Variants in TMCC3 observed in about 807,000 individuals in gnomAD.
TMCC3 encodes the protein transmembrane and coiled-coil domain family 3, also known as transmembrane and coiled-coil domain protein 3.
A neutral mutation model predicts 40.2 loss-of-function variants in TMCC3; 28 were observed. That is an observed-to-expected ratio of 0.70 (90% CI 0.52 to 0.95). TMCC3 has a LOEUF of 0.95. Among genes scored for constraint, TMCC3 ranks in the 40% least tolerant of loss-of-function variants. The pLI is 0.00. For missense variants in TMCC3, 554 were observed against 615.2 expected, an observed-to-expected ratio of 0.90 and a Z score of 1.05; for synonymous variants, 255 against 248.5, an observed-to-expected ratio of 1.03 and a Z score of -0.25.
At chr12:94,588,606 A>G (rs2068652108) in intron 1 of TMCC3, among the ~76,000 whole-genome samples, 1 of 152,238 alleles carries the variant, frequency 6.6e-6, no homozygotes, top group Non-Finnish European at 1.5e-5. Flanking sequence ...ATTTATGCAT[A>G]GGTCCACAAG....
chr12:94,615,953 G>A, intron 1 of TMCC3: 3 of 985,496 alleles, frequency 3.0e-6, no homozygotes, highest in Non-Finnish European at 3.6e-6. Context: ...CAGGAGCAGA[G>A]CAGGATCGGC....
At position 94,581,747 on chromosome 12, in the gene TMCC3, G is replaced by T. The variant is rs1468662494; in HGVS notation, c.870C>A (p.Ile290=). The T allele has an allele frequency of 6.2e-7, 1 of 1,614,156 alleles. No homozygotes were observed. Among genetic ancestry groups the T allele is most frequent in the East Asian group, 2.2e-5 (1 of 44,876 alleles). ...TLDSQGKLAV[I]LEELREIKDT... is the part of the protein sequence containing the mutation. ...CCTTGATCTCCCTCAGTTCCTCCAGGATCACGGCGAGCTTGCCCTGGCTGT... is the reference window on the plus strand; with the variant it reads ...CCTTGATCTCCCTCAGTTCCTCCAGTATCACGGCGAGCTTGCCCTGGCTGT... The change falls in exon 2 of 4, where the codon ATC becomes ATA. Residue 290 remains isoleucine, a synonymous_variant. Coordinates refer to ENST00000261226, the MANE Select transcript of TMCC3 (RefSeq NM_020698.4).
chr12:94,599,326 A>C (rs900186960), intron 1 of TMCC3, among the ~76,000 whole-genome samples: 1 of 152,206 alleles, frequency 6.6e-6, no homozygotes, highest in Non-Finnish European at 1.5e-5. Flanking sequence ...AGCCAAGAAC[A>C]GTGATGCTGC....
chr12:94,578,575 A>G, intron 2 of TMCC3, 46 bp from the exon 3 acceptor site: 2 of 1,581,022 alleles, frequency 1.3e-6, no homozygotes, highest in Non-Finnish European at 1.7e-6. Context: ...TTCACAGCAC[A>G]TTGTGGAACG....
At chr12:94,588,050 G>A (rs1289705260) in intron 1 of TMCC3, among the ~76,000 whole-genome samples, 1 of 152,114 alleles carries the variant, frequency 6.6e-6, no homozygotes, top group Non-Finnish European at 1.5e-5. Flanking sequence ...CCTGAGTCCC[G>A]GACAGACGTC....
intron 1 of TMCC3, among the ~76,000 whole-genome samples, chr12:94,619,540 C>G (rs912462094): frequency 6.6e-6 from 1 of 152,230 alleles, no homozygotes; most frequent in African/African-American, 2.4e-5. Context: ...CCTGCTGCAT[C>G]AGACTCAGCT....
intron 1 of TMCC3, among the ~76,000 whole-genome samples, chr12:94,641,624 G>A (rs529595461): frequency 1.3e-5 from 2 of 152,234 alleles, no homozygotes; most frequent in East Asian, 3.9e-4. Flanking sequence ...TTTTAGGCTT[G>A]GGTTTAAGGG....
chr12:94,623,199 G>A (rs1434550244), intron 1 of TMCC3, among the ~76,000 whole-genome samples: 1 of 151,324 alleles, frequency 6.6e-6, no homozygotes, highest in Non-Finnish European at 1.5e-5. Context: ...TCAATCCTGT[G>A]TTCTGGACCT....
rs754921631 is a variant in TMCC3, at chr12:94,568,213, A to G, written c.*3222T>C. On this transcript the variant is annotated 3_prime_UTR_variant, in exon 4 of 4. Coordinates refer to ENST00000261226, the MANE Select transcript of TMCC3 (RefSeq NM_020698.4). ...GGACTAATCCCATGTTCATTGTCCA[A>G]ACCCAGCAACGGAGTACTTTTTTGC... 8 of 152,178 alleles carry G rather than the reference A, an allele frequency of 5.3e-5. No homozygotes were observed. The highest frequency in any genetic ancestry group is 1.2e-4 in the Non-Finnish European group (8 of 68,044). The allele number at this position is 152,178 out of a possible 1,614,324, so 9.4% of individuals were successfully genotyped here.
At chr12:94,576,645 T>TA (rs1013976951) in intron 3 of TMCC3, among the ~76,000 whole-genome samples, 8 of 151,866 alleles carry the variant, frequency 5.3e-5, no homozygotes, top group Non-Finnish European at 8.8e-5. Flanking sequence ...CCAGCTAATT[T>TA]AAAAAAAAGT....
chr12:94,576,646 A>T (rs184645405), intron 3 of TMCC3, among the ~76,000 whole-genome samples: 83 of 152,002 alleles, frequency 5.5e-4, no homozygotes, highest in African/African-American at 1.4e-3. Flanking sequence ...CAGCTAATTT[A>T]AAAAAAAGTT....
intron 1 of TMCC3, among the ~76,000 whole-genome samples, chr12:94,636,533 C>G (rs989246896): frequency 6.6e-6 from 1 of 152,230 alleles, no homozygotes; most frequent in African/African-American, 2.4e-5. Flanking sequence ...TGGAATTTCA[C>G]TCCTATGGCT....
chr12:94,570,403 A>G lies in TMCC3; in HGVS notation c.*1032T>C, dbSNP rs1433652203. The G allele has an allele frequency of 1.3e-5, 2 of 152,228 alleles. No individual in the cohort carries two copies. The highest frequency in any genetic ancestry group is 2.9e-5 in the Non-Finnish European group (2 of 68,046). 9.4% of individuals were successfully genotyped at this position (152,228 alleles called of 1,614,324 possible). A position where few individuals can be genotyped will look rare whatever the true frequency, so the allele number is the denominator to read the frequency against. Reference sequence around the variant, plus strand: ...CTTTGCAGTCCCTCACAGACCTGTGAATAAGATGAATCACATAAAGTGAAT... The same window carrying G: ...CTTTGCAGTCCCTCACAGACCTGTGGATAAGATGAATCACATAAAGTGAAT... On this transcript the variant is annotated 3_prime_UTR_variant, in exon 4 of 4. Coordinates refer to ENST00000261226, the MANE Select transcript of TMCC3 (RefSeq NM_020698.4).
chr12:94,608,960 G>A (rs1055522723), intron 1 of TMCC3, among the ~76,000 whole-genome samples: 9 of 152,150 alleles, frequency 5.9e-5, no homozygotes, highest in Admixed American at 6.5e-5. Context: ...TGGGCCAGGC[G>A]CTGTGGCCCA....
chr12:94,636,169 A>G (rs984599736), intron 1 of TMCC3, among the ~76,000 whole-genome samples: 4 of 152,260 alleles, frequency 2.6e-5, no homozygotes, highest in African/African-American at 4.8e-5. Context: ...TAACAATGCA[A>G]AAAATTGCCC....
At chr12:94,640,339 A>G (rs999753590) in intron 1 of TMCC3, among the ~76,000 whole-genome samples, 31 of 152,244 alleles carry the variant, frequency 2.0e-4, no homozygotes, top group African/African-American at 6.7e-4. Context: ...ATGCATCACC[A>G]AGTCCAGCTA....
Position 94,610,752 on chromosome 12 carries a change from G to T in TMCC3, c.79-28214C>A, listed in dbSNP as rs528570850. Among the ~76,000 whole-genome samples the T allele has an allele frequency of 3.9e-4, 59 of 152,268 alleles. 1 individual carries two copies. The South Asian group carries it at 0.012, about 31-fold the overall frequency. ...AACTGTTAAGAGAGAAAAGCAAGAC[G>T]CAGGGCTATGCCTACTGTGCACGCT... On this transcript the variant is annotated intron_variant, in intron 1 of 3. Coordinates refer to ENST00000261226, the MANE Select transcript of TMCC3 (RefSeq NM_020698.4).
At chr12:94,606,547 A>G (rs571895918) in intron 1 of TMCC3, among the ~76,000 whole-genome samples, 1 of 151,788 alleles carries the variant, frequency 6.6e-6, no homozygotes, top group Admixed American at 6.6e-5. Flanking sequence ...TTGTATTTTT[A>G]GTAGAGATGG....
intron 1 of TMCC3, among the ~76,000 whole-genome samples, chr12:94,648,542 A>T (rs1205537729): frequency 6.6e-6 from 1 of 152,228 alleles, no homozygotes; most frequent in South Asian, 2.1e-4. Flanking sequence ...AGAATTTTAA[A>T]GAAAATCAAG....
Sources: gnomAD v4.1 joint callset for allele counts (sites outside exome capture counted in the v4.1 genomes callset) on GRCh38, gnomAD v4.1.1 for gene constraint, MANE v1.5 for transcripts, NCBI Gene and HGNC (gene_info 2026-07-23, HGNC 2026-07-21) for gene names.